Variants in SANBR observed in about 807,000 individuals in gnomAD.
SANBR encodes SANT and BTB domain regulator of CSR, also known as SANT and BTB domain regulator of class switch recombination.
A neutral mutation model predicts 101.8 loss-of-function variants in SANBR; 77 were observed. The observed-to-expected ratio is 0.76, with a 90% confidence interval of 0.63 to 0.91. The LOEUF (loss-of-function observed/expected upper bound fraction) is 0.91, where lower values mean the gene tolerates loss of function less well. Ranked by LOEUF, SANBR falls within the 40% of genes least tolerant of loss-of-function variation. The pLI is 0.00. For synonymous variants in SANBR, 279 were observed against 274.7 expected, an observed-to-expected ratio of 1.02 and a Z score of -0.15; for missense variants, 875 against 853.0, an observed-to-expected ratio of 1.03 and a Z score of -0.32.
chr2:61,117,219 T>G, intron 17 of SANBR, 138 bp from the exon 18 acceptor site: 1 of 791,662 alleles, frequency 1.3e-6, no homozygotes, highest in African/African-American at 1.7e-5. Context: ...GGTGCAAGGT[T>G]TAAATGAAAT....
rs931144639 is a variant in SANBR, at chr2:61,122,969, A to T, written c.*807A>T. On this transcript the variant is annotated 3_prime_UTR_variant, in exon 22 of 22. Coordinates refer to ENST00000402291, the MANE Select transcript of SANBR (RefSeq NM_001129993.3). ...ACAGTTCTCAGGGCTCTAAAACCCA[A>T]CCATATTTCTGTAACCATTCAAATA... 3.0e-6 allele frequency: 3 copies of T among 984,798 alleles called. No homozygotes were observed. The African/African-American group carries it at 5.2e-5, about 17-fold the overall frequency. 61.0% of individuals were successfully genotyped at this position (984,798 alleles called of 1,614,324 possible). A position where few individuals can be genotyped will look rare whatever the true frequency, so the allele number is the denominator to read the frequency against.
At chr2:61,070,569 C>A in intron 3 of SANBR, 69 bp downstream of exon 3, 2 of 1,398,204 alleles carry the variant, frequency 1.4e-6, no homozygotes, top group East Asian at 2.4e-5. Flanking sequence ...AAAGAAACAC[C>A]AAGAGAGAGA....
chr2:61,093,057 C>T (rs186638483), intron 11 of SANBR, among the ~76,000 whole-genome samples: 1,988 of 151,722 alleles, frequency 0.013, 33 homozygotes, highest in African/African-American at 0.035. Flanking sequence ...CACTTGAACC[C>T]GGGAGGCAGA....
At chr2:61,072,383 G>A (rs775279709) in intron 4 of SANBR, among the ~76,000 whole-genome samples, 7 of 151,902 alleles carry the variant, frequency 4.6e-5, no homozygotes, top group Non-Finnish European at 7.4e-5. Context: ...ACCAACCTGG[G>A]CAACATAGCA....
downstream of SANBR, among the ~76,000 whole-genome samples, chr2:61,126,603 C>T (rs1684520367): frequency 2.0e-5 from 3 of 152,004 alleles, no homozygotes; most frequent in Admixed American, 2.0e-4. Flanking sequence ...GAGTTTGAGA[C>T]CAGCCTGACC....
chr2:61,071,905 A>T (rs1239450587), intron 4 of SANBR, 113 bp downstream of exon 4: 2 of 652,360 alleles, frequency 3.1e-6, no homozygotes, highest in African/African-American at 1.9e-5. Flanking sequence ...ACATTAATAG[A>T]GAAATGTATT....
intron 20 of SANBR, among the ~76,000 whole-genome samples, chr2:61,133,177 A>G (rs1684740790): frequency 6.6e-6 from 1 of 152,066 alleles, no homozygotes; most frequent in African/African-American, 2.4e-5. Context: ...GCTTGAACCT[A>G]GGAGGTGGAG....
intron 12 of SANBR, among the ~76,000 whole-genome samples, chr2:61,099,956 A>G (rs1224514595): frequency 6.6e-6 from 1 of 152,190 alleles, no homozygotes; most frequent in Non-Finnish European, 1.5e-5. Context: ...GTGGAGTGCT[A>G]GATCCAGAAG....
chr2:61,087,422 T>C (rs1176264667), intron 8 of SANBR, among the ~76,000 whole-genome samples: 1 of 151,068 alleles, frequency 6.6e-6, no homozygotes. Context: ...ATTAACTGAA[T>C]GTGGTGGCAC....
chr2:61,097,422 CT>C (rs887303789), intron 11 of SANBR, among the ~76,000 whole-genome samples: 8 of 151,008 alleles, frequency 5.3e-5, no homozygotes, highest in South Asian at 2.1e-4. Context: ...CTGCAATTCA[CT>C]TTTTTTTTGG....
chr2:61,109,264 T>C lies in SANBR; in HGVS notation c.1712T>C (p.Val571Ala). ...TTGSEVTEDEVGDEEEVSKKQ... is the reference protein window; with the variant it reads ...TTGSEVTEDEAGDEEEVSKKQ... ...GGATCTGAGGTCACTGAAGATGAAGTTGGAGATGAAGAAGAAGTATCCAAG... is the reference window on the plus strand; with the variant it reads ...GGATCTGAGGTCACTGAAGATGAAGCTGGAGATGAAGAAGAAGTATCCAAG... The change falls in exon 16 of 22, where the codon GTT (valine) becomes GCT (alanine). Residue 571 changes from valine (V) to alanine (A), a missense_variant. Val to Ala is a moderately conservative substitution (Grantham distance 64). Transcript: ENST00000402291. 1 of 1,579,308 alleles carries C rather than the reference T, an allele frequency of 6.3e-7. No individual in the cohort carries two copies.
chr2:61,078,242 G>C (rs1467686491), intron 6 of SANBR, among the ~76,000 whole-genome samples: 1 of 152,154 alleles, frequency 6.6e-6, no homozygotes, highest in Non-Finnish European at 1.5e-5. Context: ...TATTAACGGA[G>C]TCAGAAAAGT....
Position 61,088,382 on chromosome 2 carries a change from A to G in SANBR, c.1002A>G (p.Leu334=). Reference sequence around the variant, plus strand: ...GATGCTGTTTGTGTAAGAAACTTTTAACAAAAGAAACAGAAAGAAGAATTC... The same window carrying G: ...GATGCTGTTTGTGTAAGAAACTTTTGACAAAAGAAACAGAAAGAAGAATTC... ...LYRCCLCKKL[L]TKETERRIPC... Residue 334 remains leucine (L), a synonymous_variant, in exon 10 of 22, where the codon TTA becomes TTG. Transcript: ENST00000402291. The G allele has an allele frequency of 6.3e-7, 1 of 1,596,724 alleles. No individual in the cohort carries two copies. The highest frequency in any genetic ancestry group is 8.5e-7 in the Non-Finnish European group (1 of 1,173,230).
chr2:61,074,414 G>A (rs1221039775), intron 5 of SANBR, among the ~76,000 whole-genome samples: 1 of 152,114 alleles, frequency 6.6e-6, no homozygotes, highest in Non-Finnish European at 1.5e-5. Context: ...CACAGTCTTG[G>A]AGGTTTTCTT....
chr2:61,080,344 G>A (rs982451936), intron 6 of SANBR, among the ~76,000 whole-genome samples: 9 of 152,030 alleles, frequency 5.9e-5, no homozygotes, highest in African/African-American at 2.2e-4. Context: ...CTAATAACCT[G>A]CCACTGGTTC....
chr2:61,099,587 C>A (rs918448266), intron 12 of SANBR, among the ~76,000 whole-genome samples: 19 of 152,158 alleles, frequency 1.2e-4, no homozygotes, highest in African/African-American at 4.3e-4. Context: ...CAGGCAGAGG[C>A]CGTTAGATAT....
intron 5 of SANBR, 60 bp downstream of exon 5, chr2:61,073,611 A>G (rs976220041): frequency 6.4e-6 from 6 of 943,832 alleles, no homozygotes; most frequent in African/African-American, 3.3e-5. Context: ...CATAAAATAT[A>G]TGATTGGTGG....
downstream of SANBR, among the ~76,000 whole-genome samples, chr2:61,125,347 C>T (rs200016733): frequency 6.6e-5 from 10 of 152,140 alleles, no homozygotes; most frequent in East Asian, 5.8e-4. Context: ...TATGTGTGTG[C>T]GTATATGTAT....
At chr2:61,070,616 T>G in intron 3 of SANBR, 116 bp downstream of exon 3, 1 of 755,220 alleles carries the variant, frequency 1.3e-6, no homozygotes, top group Non-Finnish European at 2.1e-6. Context: ...ATGCATGTAT[T>G]AACACTGAAT....
Sources: allele counts gnomAD v4.1 joint callset (sites outside exome capture counted in the v4.1 genomes callset), GRCh38; gene constraint gnomAD v4.1.1; transcripts MANE v1.5; gene names NCBI Gene and HGNC (gene_info 2026-07-23, HGNC 2026-07-21).